Variants in CRTC1 observed in about 807,000 individuals in gnomAD.
CRTC1 encodes CREB regulated transcription coactivator 1, also known as CREB-regulated transcription coactivator 1.
CRTC1 carries 18 observed loss-of-function variants against 66.1 expected under a neutral mutation model. The ratio of observed to expected loss-of-function variants is 0.27; its 90% CI spans 0.19 to 0.40. CRTC1 has a LOEUF of 0.40. Ranked by LOEUF, CRTC1 falls within the 10% of genes least tolerant of loss-of-function variation. CRTC1 has a pLI of 1.00. For missense variants in CRTC1, 669 were observed against 887.9 expected, an observed-to-expected ratio of 0.75 and a Z score of 3.13; for synonymous variants, 416 against 398.8, an observed-to-expected ratio of 1.04 and a Z score of -0.51.
rs1337730522 is a variant in CRTC1 at position 18,724,240 on chromosome 19, T to TGTGGGTGC, written c.127-18664_127-18657dup. Reference sequence around the variant, plus strand: ...GCTGATCAGTCTGTGGGGTGGGGTGTGTGGGTGCGTGGGGTGTTGTTCTCT... The same window carrying TGTGGGTGC: ...GCTGATCAGTCTGTGGGGTGGGGTGTGTGGGTGCGTGGGTGCGTGGGGTGTTGTTCTCT... On this transcript the variant is annotated intron_variant, in intron 1 of 13. Transcript: ENST00000321949. Among the ~76,000 whole-genome samples, 36 of 151,988 alleles carry TGTGGGTGC rather than the reference T, an allele frequency of 2.4e-4. No homozygotes were observed. In the South Asian group the frequency reaches 7.5e-3, roughly 32 times the overall value.
At chr19:18,704,440 G>A (rs186117244) in intron 1 of CRTC1, among the ~76,000 whole-genome samples, 5 of 152,182 alleles carry the variant, frequency 3.3e-5, no homozygotes, top group East Asian at 3.9e-4. Flanking sequence ...GGCCAGATGC[G>A]GTAGCTCTTG....
Position 18,753,438 on chromosome 19 carries a change from C to T in CRTC1, c.539-62C>T, listed in dbSNP as rs933576341. On this transcript the variant is annotated intron_variant, in intron 5 of 13. Coordinates refer to ENST00000321949, the MANE Select transcript of CRTC1 (RefSeq NM_015321.3). ...TGTCAGGGACGTGTCCTCCTGGTAC[C>T]ACCATGCGGCTGCAAAGAAATTTCT... 7.3e-6 allele frequency: 9 copies of T among 1,232,428 alleles called. No homozygotes were observed. The South Asian group carries it at 8.7e-5, about 12-fold the overall frequency. The allele number at this position is 1,232,428 out of a possible 1,614,324, so 76.3% of individuals were successfully genotyped here.
intron 10 of CRTC1, among the ~76,000 whole-genome samples, chr19:18,770,703 A>T (rs1442637555): frequency 7.1e-6 from 1 of 140,500 alleles, no homozygotes; most frequent in Non-Finnish European, 1.5e-5. Context: ...GGATGTGTGG[A>T]CATTTGTGGA....
chr19:18,777,979 A>G lies in CRTC1; in HGVS notation c.*597A>G. On this transcript the variant is annotated 3_prime_UTR_variant, in exon 14 of 14. Transcript: ENST00000321949. This position sits in a 1 kb window ranked among gnomAD's most constrained non-coding sequence, Gnocchi z 5.5. ...GTCTTTTATATTTCTGAGCACACAC[A>G]GAGCCCTGGCGTCCACCGGGGCAGG... is the stretch of plus-strand genomic sequence containing the variant. The G allele has an allele frequency of 4.1e-6, 1 of 241,506 alleles. No homozygotes were observed. The highest frequency in any genetic ancestry group is 6.0e-5 in the East Asian group (1 of 16,566). 15.0% of individuals were successfully genotyped at this position (241,506 alleles called of 1,614,324 possible).
At chr19:18,733,949 A>C (rs1443465400) in intron 1 of CRTC1, among the ~76,000 whole-genome samples, 1 of 152,140 alleles carries the variant, frequency 6.6e-6, no homozygotes, top group Non-Finnish European at 1.5e-5. Flanking sequence ...TCTCTACTAA[A>C]AATACAAAAA....
Position 18,780,143 on chromosome 19 carries a change from G to C in CRTC1, c.*2761G>C, listed in dbSNP as rs1041128528. 3.0e-5 allele frequency: 7 copies of C among 232,140 alleles called. No individual in the cohort carries two copies. The highest frequency in any genetic ancestry group is 5.1e-5 in the Non-Finnish European group (6 of 117,436). 14.4% of individuals were successfully genotyped at this position (232,140 alleles called of 1,614,324 possible). A position where few individuals can be genotyped will look rare whatever the true frequency, so the allele number is the denominator to read the frequency against. On this transcript the variant is annotated 3_prime_UTR_variant, in exon 14 of 14. Coordinates refer to ENST00000321949, the MANE Select transcript of CRTC1 (RefSeq NM_015321.3). ...CCTGAGGGGCAGGCCCACGTGGGGA[G>C]GTTGCGCCGTGTACATAGACCCGCC...
chr19:18,766,345 G>C (rs2145832255), intron 9 of CRTC1, among the ~76,000 whole-genome samples: 1 of 147,306 alleles, frequency 6.8e-6, no homozygotes, highest in East Asian at 2.0e-4. Context: ...CACCATGCTG[G>C]CCAGGCTGGT....
rs1202701211 is a variant in CRTC1 at position 18,721,021 on chromosome 19, C to G, written c.127-21889C>G. The stretch of plus-strand genomic sequence containing the variant: ...GCAGGGCTGGTGCCTGCAGGAGGCT[C>G]TAGGGGAGGATCCTTCCTGCCTCCT... On this transcript the variant is annotated intron_variant, in intron 1 of 13. Coordinates refer to ENST00000321949, the MANE Select transcript of CRTC1 (RefSeq NM_015321.3). 2.0e-5 allele frequency among the ~76,000 whole-genome samples: 3 copies of G among 152,134 alleles called. No individual in the cohort carries two copies. The East Asian group carries it at 5.8e-4, about 29-fold the overall frequency.
intron 1 of CRTC1, among the ~76,000 whole-genome samples, chr19:18,739,911 C>T (rs1019455606): frequency 3.9e-5 from 6 of 152,090 alleles, no homozygotes; most frequent in East Asian, 1.9e-4. Context: ...CCCCAGAAGC[C>T]GTTTTGTTCA....
chr19:18,752,463 TG>T (rs1472009314), intron 5 of CRTC1, among the ~76,000 whole-genome samples: 1 of 151,732 alleles, frequency 6.6e-6, no homozygotes, highest in East Asian at 2.0e-4. Flanking sequence ...GGACTACAGG[TG>T]AGCACCACCA....
intron 1 of CRTC1, among the ~76,000 whole-genome samples, chr19:18,692,004 C>T (rs916169465): frequency 1.8e-4 from 27 of 152,082 alleles, no homozygotes; most frequent in African/African-American, 5.8e-4. Context: ...TGAGCCACCG[C>T]GCTCGGTCTT....
At position 18,743,135 on chromosome 19, in the gene CRTC1, C is replaced by A. The variant is rs2054147369; in HGVS notation, c.243+109C>A. 4.8e-6 allele frequency: 4 copies of A among 838,882 alleles called. No individual in the cohort carries two copies. In the Admixed American group the frequency reaches 8.1e-5, roughly 17 times the overall value. 52.0% of individuals were successfully genotyped at this position (838,882 alleles called of 1,614,324 possible). A position where few individuals can be genotyped will look rare whatever the true frequency, so the allele number is the denominator to read the frequency against. ...GGGGTTATCAGACAGTTGGCGGAGC[C>A]CACCCAACCACTGCCTTCTCCTTGT... On this transcript the variant is annotated intron_variant, in intron 2 of 13. Transcript: ENST00000321949.
At chr19:18,773,377 C>G (rs1004001273) in intron 11 of CRTC1, among the ~76,000 whole-genome samples, 5 of 152,180 alleles carry the variant, frequency 3.3e-5, no homozygotes, top group South Asian at 2.1e-4. Context: ...GTTTGTGGCT[C>G]TCTCCCAACT....
chr19:18,694,135 G>GAA (rs56040700), intron 1 of CRTC1, among the ~76,000 whole-genome samples: 12,054 of 125,164 alleles, frequency 0.096, 719 homozygotes, highest in Non-Finnish European at 0.14. Context: ...CTCCGTCTCA[G>GAA]AAAAAAAAAA....
intron 1 of CRTC1, among the ~76,000 whole-genome samples, chr19:18,686,505 G>A (rs548338727): frequency 2.6e-5 from 4 of 152,138 alleles, no homozygotes; most frequent in Non-Finnish European, 5.9e-5. Context: ...AAATTAGTCG[G>A]GTGTGGTGGC....
chr19:18,755,414 A>G (rs1477522981), intron 6 of CRTC1, among the ~76,000 whole-genome samples: 2 of 150,560 alleles, frequency 1.3e-5, no homozygotes, highest in African/African-American at 4.9e-5. Flanking sequence ...GCATGCCACC[A>G]TGCCTGACAA....
intron 9 of CRTC1, among the ~76,000 whole-genome samples, chr19:18,766,744 G>A (rs1460089905): frequency 6.6e-6 from 1 of 152,198 alleles, no homozygotes; most frequent in East Asian, 1.9e-4. Context: ...ACCACACCCA[G>A]CCTTGTAATC....
At chr19:18,744,902 G>A (rs2054196924) in intron 2 of CRTC1, among the ~76,000 whole-genome samples, 1 of 152,204 alleles carries the variant, frequency 6.6e-6, no homozygotes, top group Non-Finnish European at 1.5e-5. Flanking sequence ...CCATGGACAG[G>A]CTTCTGGAGA....
At chr19:18,734,618 C>T (rs1031791413) in intron 1 of CRTC1, among the ~76,000 whole-genome samples, 1 of 152,134 alleles carries the variant, frequency 6.6e-6, no homozygotes, top group African/African-American at 2.4e-5. Context: ...CAGGAGGCTG[C>T]AGTGAGCCCT....
Sources: gnomAD v4.1 joint callset for allele counts (sites outside exome capture counted in the v4.1 genomes callset) on GRCh38, gnomAD v4.1.1 for gene constraint, Gnocchi (gnomAD v3.1) non-coding constraint, MANE v1.5 for transcripts, NCBI Gene and HGNC (gene_info 2026-07-23, HGNC 2026-07-21) for gene names.